The following ACACB variants were observed in gnomAD, a reference collection of about 807,000 sequenced individuals.
ACACB encodes acetyl-CoA carboxylase 2.
A neutral mutation model predicts 278.8 loss-of-function variants in ACACB; 209 were observed. That is an observed-to-expected ratio of 0.75 (90% CI 0.67 to 0.84). The LOEUF (loss-of-function observed/expected upper bound fraction) is 0.84. ACACB is among the 40% of genes least tolerant of loss of function. The pLI is 0.00. For synonymous variants in ACACB, 1,174 were observed against 1,285.6 expected (o/e 0.91, Z 1.86); for missense variants, 2,850 against 3,269.0 (o/e 0.87, Z 3.13).
At chr12:109,264,480 G>A in intron 50 of ACACB, 94 bp downstream of exon 50, 2 of 1,500,066 alleles carry the variant, frequency 1.3e-6, no homozygotes, top group Non-Finnish European at 1.8e-6. Flanking sequence ...GAGGGCGGTG[G>A]TGGTTGGGAT....
chr12:109,237,137 C>T (rs1261875490), intron 33 of ACACB, 28 bp from the exon 34 acceptor site: 1 of 1,612,010 alleles, frequency 6.2e-7, no homozygotes, highest in Admixed American at 1.7e-5. Flanking sequence ...GTGTATGTGT[C>T]TGTCTTCTCT....
At chr12:109,133,863 A>ATATAT (rs55881936) in intron 1 of ACACB, among the ~76,000 whole-genome samples, 36 of 70,516 alleles carry the variant, frequency 5.1e-4, no homozygotes, top group Non-Finnish European at 6.7e-4. Flanking sequence ...ATATATATAT[A>ATATAT]TTTTTTTTTT....
rs781103258 is a variant in ACACB at position 109,262,384 on chromosome 12, A to G, written c.6702A>G (p.Thr2234=). 3.1e-6 allele frequency: 5 copies of G among 1,613,392 alleles called. No homozygotes were observed. The Admixed American group carries it at 8.3e-5, about 27-fold the overall frequency. Residue 2234 remains threonine (T), a synonymous_variant, in exon 49 of 53, where the codon ACA becomes ACG. Transcript: ENST00000338432. The part of the protein sequence containing the change: ...SRGGVLEPEG[T]VEIKFRKKDL... ...GTGGTGTTCTGGAACCAGAGGGGACAGTGGAGATTAAGTTCCGAAAGAAAG... is the reference window on the plus strand; with the variant it reads ...GTGGTGTTCTGGAACCAGAGGGGACGGTGGAGATTAAGTTCCGAAAGAAAG...
rs2047521947 is a variant in ACACB at position 109,266,488 on chromosome 12, G to A, written c.*126G>A. The A allele has an allele frequency of 5.6e-6, 7 of 1,256,228 alleles. No homozygotes were observed. The South Asian group carries it at 7.1e-5, about 13-fold the overall frequency. 77.8% of individuals were successfully genotyped at this position (1,256,228 alleles called of 1,614,324 possible). A position where few individuals can be genotyped will look rare whatever the true frequency, so the allele number is the denominator to read the frequency against. ...AAGAAAATCCTGGGCACTTCTGCAG[G>A]GCTGCTGGTTCCGAGCTGACACCCG... On this transcript the variant is annotated 3_prime_UTR_variant, in exon 53 of 53. Transcript: ENST00000338432.
At chr12:109,215,016 A>C (rs1377254187) in intron 22 of ACACB, among the ~76,000 whole-genome samples, 2 of 151,890 alleles carry the variant, frequency 1.3e-5, no homozygotes, top group African/African-American at 4.8e-5. Context: ...GGATTGCTTG[A>C]GCCCGGGAGG....
chr12:109,137,526 G>C (rs1267984555), intron 1 of ACACB, among the ~76,000 whole-genome samples: 1 of 151,904 alleles, frequency 6.6e-6, no homozygotes, highest in African/African-American at 2.4e-5. Context: ...CGGGCATGGT[G>C]GGGGGCACCT....
upstream of ACACB, among the ~76,000 whole-genome samples, chr12:109,116,242 C>G (rs113547361): frequency 2.0e-5 from 3 of 152,174 alleles, no homozygotes; most frequent in Non-Finnish European, 4.4e-5. Flanking sequence ...TTCCCATTCA[C>G]GGTTTTCAAT....
At chr12:109,259,825 G>T (rs183222201) in intron 47 of ACACB, among the ~76,000 whole-genome samples, 1 of 152,284 alleles carries the variant, frequency 6.6e-6, no homozygotes, top group Admixed American at 6.5e-5. Flanking sequence ...GCATGTTTTG[G>T]GAGAGAGTGG....
At chr12:109,197,671 C>T (rs1376861613) in intron 17 of ACACB, among the ~76,000 whole-genome samples, 1 of 151,980 alleles carries the variant, frequency 6.6e-6, no homozygotes, top group Non-Finnish European at 1.5e-5. Flanking sequence ...CCTGGAAGCT[C>T]TTAGCACAGG....
Position 109,254,314 on chromosome 12 carries a change from T to G in ACACB, c.6146T>G (p.Leu2049Arg), listed in dbSNP as rs1037280241. The part of the protein sequence containing the change: ...SRAPYDPRWM[L>R]AGRPHPTLKG... The stretch of plus-strand genomic sequence containing the variant: ...GCTCCCTACGACCCCCGGTGGATGC[T>G]TGCAGGAAGGCCTCACCCAAGTAAG... Residue 2049 changes from leucine (L) to arginine (R), a missense_variant, in exon 44 of 53, where the codon CTT becomes CGT. This residue lies in a region of ACACB where 579 missense variants were observed against 684.6 expected (regional missense o/e 0.85). Coordinates refer to ENST00000338432, the MANE Select transcript of ACACB (RefSeq NM_001093.4). 8 of 1,612,102 alleles carry G rather than the reference T, an allele frequency of 5.0e-6. No individual in the cohort carries two copies. Among genetic ancestry groups the G allele is most frequent in the Admixed American group, 1.7e-5 (1 of 59,828 alleles).
chr12:109,235,271 C>T (rs139382264), intron 31 of ACACB, 42 bp from the exon 32 acceptor site: 172 of 1,565,506 alleles, frequency 1.1e-4, no homozygotes, highest in South Asian at 1.6e-4. Context: ...GTTCCTTTTA[C>T]GGCCAAATAA....
chr12:109,206,251 T>C (rs1298085947), intron 19 of ACACB, among the ~76,000 whole-genome samples: 3 of 151,910 alleles, frequency 2.0e-5, no homozygotes, highest in South Asian at 2.1e-4. Flanking sequence ...CTGGCCAACA[T>C]GGTGAAAACC....
chr12:109,265,476 G>A lies in ACACB; in HGVS notation c.7201G>A (p.Glu2401Lys), dbSNP rs1263753550. Residue 2401 changes from glutamate to lysine, a missense_variant, in exon 52 of 53, where the codon GAG becomes AAG. This residue lies in a region of ACACB where 579 missense variants were observed against 684.6 expected (regional missense o/e 0.85). Coordinates refer to ENST00000338432, the MANE Select transcript of ACACB (RefSeq NM_001093.4). Reference protein sequence around the residue: ...AGDGPRSTIRENITYLKHDSV... With the variant: ...AGDGPRSTIRKNITYLKHDSV... ...GGATGGCCCGCGCTCCACCATCCGT[G>A]AGAACATCACGTACCTGAAGCACGA... The A allele has an allele frequency of 6.8e-6, 11 of 1,613,550 alleles. No individual in the cohort carries two copies. In the Admixed American group the frequency reaches 1.0e-4, roughly 15 times the overall value.
At chr12:109,264,711 T>G (rs1019260530) in intron 50 of ACACB, among the ~76,000 whole-genome samples, 2 of 152,208 alleles carry the variant, frequency 1.3e-5, no homozygotes, top group East Asian at 3.9e-4. Flanking sequence ...AAACCGTTGT[T>G]CCTGTCCAGC....
intron 16 of ACACB, among the ~76,000 whole-genome samples, chr12:109,196,406 G>A (rs2045130707): frequency 2.0e-5 from 3 of 152,162 alleles, no homozygotes; most frequent in Non-Finnish European, 4.4e-5. Context: ...GGCAGATTTG[G>A]TATCTACTGA....
chr12:109,113,782 G>A (rs1258370110), upstream of ACACB, among the ~76,000 whole-genome samples: 1 of 152,174 alleles, frequency 6.6e-6, no homozygotes, highest in Admixed American at 6.5e-5. Context: ...TTCAAGATTT[G>A]CAAGGAAAAA....
chr12:109,112,554 T>C (rs2042326336), upstream of ACACB, among the ~76,000 whole-genome samples: 2 of 151,674 alleles, frequency 1.3e-5, no homozygotes, highest in African/African-American at 4.8e-5. Context: ...AATACAAAAT[T>C]AGCCAGGCGT....
At position 109,237,252 on chromosome 12, in the gene ACACB, G is replaced by T. The variant is rs779472077; in HGVS notation, c.4534G>T (p.Ala1512Ser). The T allele has an allele frequency of 6.8e-6, 11 of 1,614,052 alleles. No individual in the cohort carries two copies. The highest frequency in any genetic ancestry group is 1.7e-5 in the Admixed American group (1 of 59,988). The change falls in exon 34 of 53, where the codon GCC becomes TCC. Residue 1512 changes from alanine to serine, a missense_variant. Physicochemically the swap from Ala to Ser is moderately conservative, Grantham distance 99. This residue lies in a region of ACACB where 2,265 missense variants were observed against 2,561.3 expected (regional missense o/e 0.88). Coordinates refer to ENST00000338432, the MANE Select transcript of ACACB (RefSeq NM_001093.4). ...CCGGATGCGTAACTTCGATCTGACC[G>T]CCGTGCCCTGTGCCAACCACAAGAT... is the stretch of plus-strand genomic sequence containing the variant. The part of the protein sequence containing the change: ...LNRMRNFDLT[A>S]VPCANHKMHL...
chr12:109,139,425 T>C lies in ACACB; in HGVS notation c.20T>C (p.Leu7Pro). 1 of 1,613,514 alleles carries C rather than the reference T, an allele frequency of 6.2e-7. No individual in the cohort carries two copies. Among genetic ancestry groups the C allele is most frequent in the Non-Finnish European group, 8.5e-7 (1 of 1,179,654 alleles). Residue 7 changes from leucine to proline, a missense_variant, in exon 2 of 53, where the codon CTA becomes CCA. This residue lies in a region of ACACB where 2,265 missense variants were observed against 2,561.3 expected (regional missense o/e 0.88). Transcript: ENST00000338432. Reference sequence around the variant, plus strand: ...TTCTGAATGGTCTTGCTTCTTTGTCTATCTTGTCTGATTTTCTCCTGTCTG... The same window carrying C: ...TTCTGAATGGTCTTGCTTCTTTGTCCATCTTGTCTGATTTTCTCCTGTCTG... MVLLLC[L>P]SCLIFSCLTF...
Sources: allele counts gnomAD v4.1 joint callset (sites outside exome capture counted in the v4.1 genomes callset), GRCh38; gene constraint gnomAD v4.1.1; regional missense constraint gnomAD v4.1.1; transcripts MANE v1.5; gene names NCBI Gene and HGNC (gene_info 2026-07-23, HGNC 2026-07-21).